Variants in GALNT1 observed in about 807,000 individuals in gnomAD.
The protein encoded by GALNT1 is GalNAc transferase 1.
A neutral mutation model predicts 65.7 loss-of-function variants in GALNT1; 17 were observed. The ratio of observed to expected loss-of-function variants is 0.26; its 90% CI spans 0.18 to 0.39. The LOEUF (loss-of-function observed/expected upper bound fraction) is 0.39. Among genes scored for constraint, GALNT1 ranks in the 10% least tolerant of loss-of-function variants. The probability of loss-of-function intolerance (pLI) is 1.00; values close to 1 mark genes in which losing one functional copy is unlikely to be tolerated. For synonymous variants in GALNT1, 210 were observed against 219.7 expected, an observed-to-expected ratio of 0.96 and a Z score of 0.39; for missense variants, 460 against 672.8, an observed-to-expected ratio of 0.68 and a Z score of 3.50.
intron 1 of GALNT1, among the ~76,000 whole-genome samples, chr18:35,627,692 G>A (rs954709625): frequency 2.0e-5 from 3 of 152,208 alleles, no homozygotes; most frequent in East Asian, 3.9e-4. Flanking sequence ...CTGAGGTACC[G>A]GGTTCATATC....
intron 1 of GALNT1, among the ~76,000 whole-genome samples, chr18:35,624,220 C>G (rs971375585): frequency 6.6e-6 from 1 of 152,140 alleles, no homozygotes; most frequent in African/African-American, 2.4e-5. Context: ...TTAGGGTTCT[C>G]ACTTTTCTAG....
chr18:35,679,940 G>T (rs1246944322), intron 4 of GALNT1, among the ~76,000 whole-genome samples: 1 of 151,962 alleles, frequency 6.6e-6, no homozygotes, highest in Non-Finnish European at 1.5e-5. Context: ...TCAAACTAAT[G>T]TCCCCACATA....
chr18:35,711,130 T>C lies in GALNT1; in HGVS notation c.*1360T>C, dbSNP rs1199306697. On this transcript the variant is annotated 3_prime_UTR_variant, in exon 12 of 12. Coordinates refer to ENST00000269195, the MANE Select transcript of GALNT1 (RefSeq NM_020474.4). ...TCTGATTTTTTTTAATACCACAGAATCACCTGAGTGTCAATTGAAAGTTGT... is the reference window on the plus strand; with the variant it reads ...TCTGATTTTTTTTAATACCACAGAACCACCTGAGTGTCAATTGAAAGTTGT... The C allele has an allele frequency of 6.6e-6, 1 of 152,350 alleles. No homozygotes were observed. The highest frequency in any genetic ancestry group is 1.5e-5 in the Non-Finnish European group (1 of 68,022). The allele number at this position is 152,350 out of a possible 1,614,324, so 9.4% of individuals were successfully genotyped here.
intron 1 of GALNT1, among the ~76,000 whole-genome samples, chr18:35,585,287 T>G (rs2046367245): frequency 6.6e-6 from 1 of 152,216 alleles, no homozygotes; most frequent in African/African-American, 2.4e-5. Context: ...CCTTTTTATG[T>G]GATTTCTTCT....
chr18:35,600,411 G>A (rs2046566596), intron 1 of GALNT1, among the ~76,000 whole-genome samples: 1 of 152,140 alleles, frequency 6.6e-6, no homozygotes, highest in Non-Finnish European at 1.5e-5. Context: ...ATTGGTTCTA[G>A]TAGTTTGCTG....
intron 1 of GALNT1, among the ~76,000 whole-genome samples, chr18:35,647,907 C>T (rs182907947): frequency 3.3e-5 from 5 of 151,894 alleles, no homozygotes; most frequent in African/African-American, 9.7e-5. Flanking sequence ...CAGGGTTAGG[C>T]GTGGTGGTGC....
chr18:35,599,366 C>CT (rs60191738), intron 1 of GALNT1, among the ~76,000 whole-genome samples: 52,014 of 122,556 alleles, frequency 0.42, 11,448 homozygotes, highest in Middle Eastern at 0.61. Flanking sequence ...GAGATTTACA[C>CT]TTTTTTTTTT....
intron 3 of GALNT1, among the ~76,000 whole-genome samples, chr18:35,669,158 A>G (rs1409556819): frequency 1.3e-5 from 2 of 152,132 alleles, no homozygotes; most frequent in South Asian, 2.1e-4. Flanking sequence ...GAAGAATGGC[A>G]TGAGCCGGGG....
At chr18:35,686,396 G>A (rs1273553528) in intron 5 of GALNT1, among the ~76,000 whole-genome samples, 1 of 152,140 alleles carries the variant, frequency 6.6e-6, no homozygotes, top group African/African-American at 2.4e-5. Context: ...AAAATAGTTG[G>A]GATGCTTCTG....
chr18:35,613,453 A>G (rs1191610591), intron 1 of GALNT1, among the ~76,000 whole-genome samples: 1 of 152,212 alleles, frequency 6.6e-6, no homozygotes, highest in Non-Finnish European at 1.5e-5. Flanking sequence ...ACAAGAGGTA[A>G]GGAAACTTTC....
At chr18:35,694,213 G>GTGTACAAGTCTTGC (rs2048016469) in intron 9 of GALNT1, among the ~76,000 whole-genome samples, 1 of 152,192 alleles carries the variant, frequency 6.6e-6, no homozygotes, top group Non-Finnish European at 1.5e-5. Context: ...ATAGATGAAT[G>GTGTACAAGTCTTGC]TGTACAAGTC....
chr18:35,655,647 ATAAT>A (rs2047374955), intron 2 of GALNT1, among the ~76,000 whole-genome samples: 1 of 152,048 alleles, frequency 6.6e-6, no homozygotes, highest in African/African-American at 2.4e-5. Context: ...TTATATACAA[ATAAT>A]TACTCTTTAA....
chr18:35,674,753 G>A (rs2047683687), intron 3 of GALNT1, among the ~76,000 whole-genome samples: 1 of 152,120 alleles, frequency 6.6e-6, no homozygotes, highest in Non-Finnish European at 1.5e-5. Context: ...GGAGGCCGAG[G>A]TGGGCAGATC....
intron 1 of GALNT1, among the ~76,000 whole-genome samples, chr18:35,622,208 T>C (rs1361600209): frequency 6.6e-6 from 1 of 152,096 alleles, no homozygotes; most frequent in East Asian, 1.9e-4. Context: ...CTTAATTTTT[T>C]TGTAGATCTT....
intron 1 of GALNT1, among the ~76,000 whole-genome samples, chr18:35,621,755 C>T (rs1234394410): frequency 6.6e-6 from 1 of 152,102 alleles, no homozygotes; most frequent in Admixed American, 6.5e-5. Context: ...AGATTTATGC[C>T]TTTAAGCCTT....
intron 3 of GALNT1, among the ~76,000 whole-genome samples, chr18:35,676,545 G>A (rs2047713418): frequency 6.6e-6 from 1 of 152,170 alleles, no homozygotes; most frequent in African/African-American, 2.4e-5. Context: ...TCTTGCTTGT[G>A]TTTTCTTCAT....
intron 4 of GALNT1, among the ~76,000 whole-genome samples, chr18:35,681,647 T>C (rs919182104): frequency 6.6e-6 from 1 of 152,142 alleles, no homozygotes; most frequent in African/African-American, 2.4e-5. Context: ...CCAGTCTTGA[T>C]TGATCTAAGG....
chr18:35,658,703 G>A (rs1337771554), intron 2 of GALNT1, among the ~76,000 whole-genome samples: 2 of 149,676 alleles, frequency 1.3e-5, no homozygotes, highest in African/African-American at 4.9e-5. Flanking sequence ...TGACCTCAAA[G>A]TTTCTCTTTT....
intron 1 of GALNT1, among the ~76,000 whole-genome samples, chr18:35,635,765 T>G (rs2047080654): frequency 6.6e-6 from 1 of 152,312 alleles, no homozygotes; most frequent in East Asian, 1.9e-4. Context: ...TTATAGATTC[T>G]TTTCTTTTAG....
Sources: gnomAD v4.1 joint callset for allele counts (sites outside exome capture counted in the v4.1 genomes callset) on GRCh38, gnomAD v4.1.1 for gene constraint, MANE v1.5 for transcripts, NCBI Gene and HGNC (gene_info 2026-07-23, HGNC 2026-07-21) for gene names.